Variants in FRMPD1 observed in about 807,000 individuals in gnomAD.
FRMPD1 encodes FERM and PDZ domain containing 1, also known as FERM and PDZ domain-containing protein 1.
Under a neutral mutation model 117.8 loss-of-function variants are expected in FRMPD1, and 76 were observed. The observed-to-expected ratio is 0.65, with a 90% CI of 0.54 to 0.78. The LOEUF (loss-of-function observed/expected upper bound fraction) is 0.78, where lower values mean the gene tolerates loss of function less well. Ranked by LOEUF, FRMPD1 falls within the 30% of genes least tolerant of loss-of-function variation. The pLI, the probability that FRMPD1 is intolerant of heterozygous loss-of-function variation, is 0.00. For synonymous variants in FRMPD1, 783 were observed against 770.4 expected (o/e 1.02, Z -0.27); for missense variants, 1,786 against 1,964.5 (o/e 0.91, Z 1.72).
chr9:37,610,127 C>T, the FRMPD1 span, among the ~76,000 whole-genome samples: 10 of 152,206 alleles, frequency 6.6e-5, no homozygotes, highest in Non-Finnish European at 1.0e-4. Context: ...TCTTTCCCCA[C>T]AATAGAATGT....
At chr9:37,627,974 T>G in the FRMPD1 span, among the ~76,000 whole-genome samples, 1 of 152,202 alleles carries the variant, frequency 6.6e-6, no homozygotes, top group Non-Finnish European at 1.5e-5. Flanking sequence ...AGGACATGTA[T>G]TAGGTGCTCA....
At chr9:37,735,007 C>T (rs928353740) in intron 12 of FRMPD1, among the ~76,000 whole-genome samples, 2 of 152,104 alleles carry the variant, frequency 1.3e-5, no homozygotes, top group Non-Finnish European at 2.9e-5. Flanking sequence ...CTGGGCACTG[C>T]GGGTTACAAA....
the FRMPD1 span, among the ~76,000 whole-genome samples, chr9:37,637,962 T>C: frequency 1.1e-5 from 1 of 90,524 alleles, no homozygotes; most frequent in Non-Finnish European, 2.2e-5. Flanking sequence ...AAATGGTGTA[T>C]GCTTTCTTTC....
rs1051404667 is a variant in FRMPD1, at chr9:37,679,308, T to C, written c.-4-13330T>C. 1.8e-4 allele frequency among the ~76,000 whole-genome samples: 27 copies of C among 152,260 alleles called. 1 individual carries two copies. Among genetic ancestry groups the C allele is most frequent in the Non-Finnish European group, 5.9e-5 (4 of 68,038 alleles). On this transcript the variant is annotated intron_variant, in intron 1 of 15. Coordinates refer to ENST00000377765, the MANE Select transcript of FRMPD1 (RefSeq NM_014907.3). ...TGAAAGGGCTTTGAGGTCATGTTTC[T>C]AACCCCATCACTTTTCTTTTTCTCC...
intron 1 of FRMPD1, among the ~76,000 whole-genome samples, chr9:37,674,218 TC>T (rs1250421162): frequency 1.3e-5 from 2 of 152,208 alleles, no homozygotes; most frequent in Non-Finnish European, 2.9e-5. Context: ...ACCTAGATCA[TC>T]CCTCTCAAGT....
upstream of FRMPD1, among the ~76,000 whole-genome samples, chr9:37,649,287 T>C (rs1820596552): frequency 6.6e-6 from 1 of 152,242 alleles, no homozygotes; most frequent in Non-Finnish European, 1.5e-5. Context: ...TCACATGCAA[T>C]TGTTAAGAAA....
At chr9:37,624,529 A>G in the FRMPD1 span, among the ~76,000 whole-genome samples, 2 of 152,218 alleles carry the variant, frequency 1.3e-5, no homozygotes, top group African/African-American at 2.4e-5. Flanking sequence ...CCTGATTCCA[A>G]TTCACACTCT....
At chr9:37,713,683 G>GTA (rs948190206) in intron 5 of FRMPD1, among the ~76,000 whole-genome samples, 2 of 151,904 alleles carry the variant, frequency 1.3e-5, no homozygotes, top group Non-Finnish European at 2.9e-5. Context: ...GTGTGTGTGT[G>GTA]TATATATATG....
At chr9:37,717,339 A>ATGTGTGTGTGTGTGTG (rs1202375364) in intron 5 of FRMPD1, among the ~76,000 whole-genome samples, 25 of 84,466 alleles carry the variant, frequency 3.0e-4, no homozygotes, top group African/African-American at 9.6e-4. Flanking sequence ...GTATGTGTAT[A>ATGTGTGTGTGTGTGTG]TATGTGTGTG....
intron 1 of FRMPD1, among the ~76,000 whole-genome samples, chr9:37,684,939 C>T (rs1333900002): frequency 6.6e-6 from 1 of 151,914 alleles, no homozygotes; most frequent in Non-Finnish European, 1.5e-5. Context: ...ATTTTCAGTA[C>T]ACACAGGATT....
In FRMPD1 at chr9:37,746,100, G is replaced by A. The variant is rs770108713; in HGVS notation, c.4068G>A (p.Arg1356=). 1 of 1,614,170 alleles carries A rather than the reference G, an allele frequency of 6.2e-7. No individual in the cohort carries two copies. Among genetic ancestry groups the A allele is most frequent in the Non-Finnish European group, 8.5e-7 (1 of 1,180,028 alleles). ...GPQPETEEED[R]DLEAHPMAPL... ...AGCCTGAGACAGAGGAAGAAGACAG[G>A]GACTTGGAAGCACACCCCATGGCCC... Residue 1356 remains arginine (R), a synonymous_variant, in exon 16 of 16, where the codon AGG becomes AGA. Coordinates refer to ENST00000377765, the MANE Select transcript of FRMPD1 (RefSeq NM_014907.3).
chr9:37,733,282 G>A (rs1244039261), intron 10 of FRMPD1, among the ~76,000 whole-genome samples, 191 bp from the exon 11 acceptor site: 3 of 152,164 alleles, frequency 2.0e-5, no homozygotes, highest in African/African-American at 7.2e-5. Flanking sequence ...TTTAGTTCCT[G>A]AATGCCTGTG....
At chr9:37,717,381 ATTTTTTTT>A (rs61705193) in intron 5 of FRMPD1, among the ~76,000 whole-genome samples, 3 of 114,344 alleles carry the variant, frequency 2.6e-5, no homozygotes, top group African/African-American at 9.7e-5. Flanking sequence ...ATATATATAT[ATTTTTTTT>A]TTTTTTTTGA....
intron 1 of FRMPD1, among the ~76,000 whole-genome samples, chr9:37,662,453 G>A (rs1821029221): frequency 6.6e-6 from 1 of 152,146 alleles, no homozygotes; most frequent in Admixed American, 6.5e-5. Flanking sequence ...ACAGTCCTTG[G>A]CCTTACAGAG....
the FRMPD1 span, among the ~76,000 whole-genome samples, chr9:37,626,375 C>T: frequency 7.3e-5 from 11 of 150,840 alleles, no homozygotes; most frequent in East Asian, 1.9e-3. Context: ...CGTTGTGGCA[C>T]GTGTCTGTAG....
chr9:37,650,404 A>G (rs192366873), upstream of FRMPD1, among the ~76,000 whole-genome samples: 333 of 152,220 alleles, frequency 2.2e-3, 2 homozygotes, highest in African/African-American at 7.6e-3. Context: ...CTAGGAGAAC[A>G]CAGTTTCCCA....
upstream of FRMPD1, among the ~76,000 whole-genome samples, chr9:37,650,424 G>C (rs886714055): frequency 6.6e-6 from 1 of 152,128 alleles, no homozygotes; most frequent in Non-Finnish European, 1.5e-5. Context: ...AGCGCGGAAG[G>C]AGTTTACAGA....
At position 37,740,118 on chromosome 9, in the gene FRMPD1, T is replaced by C; in HGVS notation, c.1590T>C (p.Ser530=). 1 of 1,612,962 alleles carries C rather than the reference T, an allele frequency of 6.2e-7. No individual in the cohort carries two copies. The highest frequency in any genetic ancestry group is 8.5e-7 in the Non-Finnish European group (1 of 1,179,388). Residue 530 remains serine (S), a synonymous_variant, in exon 15 of 16, where the codon TCT becomes TCC. Coordinates refer to ENST00000377765, the MANE Select transcript of FRMPD1 (RefSeq NM_014907.3). The surrounding 1 kb of genome is among the most constrained non-coding windows in gnomAD (Gnocchi z 4.2). The stretch of plus-strand genomic sequence containing the variant: ...CCTGCAGTGACTCAGAGGAGTCCTC[T>C]GAGGTGGACTGCGTACTCGAACCTC... ...SRACSDSEES[S]EVDCVLEPLS... is the part of the protein sequence containing the mutation.
upstream of FRMPD1, among the ~76,000 whole-genome samples, chr9:37,647,507 T>A (rs1824163824): frequency 6.9e-6 from 1 of 145,274 alleles, no homozygotes; most frequent in Non-Finnish European, 1.5e-5. Context: ...CGAGACTCCG[T>A]TTCAAAAAAA....
Sources: allele counts gnomAD v4.1 joint callset (sites outside exome capture counted in the v4.1 genomes callset), GRCh38; gene constraint gnomAD v4.1.1; non-coding constraint Gnocchi (gnomAD v3.1); transcripts MANE v1.5; gene names NCBI Gene and HGNC (gene_info 2026-07-23, HGNC 2026-07-21).